Variants in CPVL observed in about 807,000 individuals in gnomAD.
The protein encoded by CPVL is probable serine carboxypeptidase CPVL.
Under a neutral mutation model 63.7 loss-of-function variants are expected in CPVL, and 51 were observed. The ratio of observed to expected loss-of-function variants is 0.80; its 90% confidence interval spans 0.64 to 1.01. The LOEUF is 1.01. Among genes scored for constraint, CPVL ranks in the 50% least tolerant of loss-of-function variants. The pLI, the probability that CPVL is intolerant of heterozygous loss-of-function variation, is 0.00. For synonymous variants in CPVL, 195 were observed against 206.0 expected (o/e 0.95, Z 0.46); for missense variants, 530 against 573.1 (o/e 0.92, Z 0.77).
intron 12 of CPVL, among the ~76,000 whole-genome samples, chr7:29,017,271 C>T (rs571207639): frequency 6.6e-6 from 1 of 152,310 alleles, no homozygotes; most frequent in South Asian, 2.1e-4. Context: ...ACAAGTTCCC[C>T]GATAAAGCCA....
intron 11 of CPVL, among the ~76,000 whole-genome samples, chr7:29,038,505 G>A (rs1788761076): frequency 1.3e-5 from 2 of 152,108 alleles, no homozygotes; most frequent in South Asian, 4.1e-4. Flanking sequence ...TGTTACAGCA[G>A]CCTGAACTAA....
intron 7 of CPVL, among the ~76,000 whole-genome samples, chr7:29,076,906 C>T: frequency 6.6e-6 from 1 of 152,016 alleles, no homozygotes; most frequent in East Asian, 1.9e-4. Flanking sequence ...TTTTTTTTTC[C>T]AGCCTAATGG....
At chr7:29,014,927 A>G (rs1414355214) in intron 12 of CPVL, among the ~76,000 whole-genome samples, 3 of 152,370 alleles carry the variant, frequency 2.0e-5, no homozygotes, top group South Asian at 4.1e-4. Flanking sequence ...ATGAATTGTC[A>G]GCAGTAATTC....
At position 29,165,125 on chromosome 7, in the gene CPVL, A is replaced by C. The variant is rs377310062; in HGVS notation, c.-11+16165T>G. On this transcript the variant is annotated intron_variant, in intron 5 of 16. Coordinates refer to the CPVL transcript ENST00000409850. ...GATTTTTTTATTGGCATTGCATTTA[A>C]TCTAAAGATCAATGTGGGGAGAATA... is the stretch of plus-strand genomic sequence containing the variant. 3.5e-4 allele frequency among the ~76,000 whole-genome samples: 54 copies of C among 152,292 alleles called. No individual in the cohort carries two copies. The South Asian group carries it at 4.4e-3, about 12-fold the overall frequency.
At chr7:29,155,272 C>T (rs1438749429) in intron 5 of CPVL, among the ~76,000 whole-genome samples, 2 of 152,054 alleles carry the variant, frequency 1.3e-5, no homozygotes, top group Admixed American at 1.3e-4. Flanking sequence ...AAAACAACTA[C>T]ATTTTAACAA....
In CPVL at chr7:29,121,595, C is replaced by T. The variant is rs12667840; in HGVS notation, c.-10-524G>A. Among the ~76,000 whole-genome samples, 315 of 152,258 alleles carry T rather than the reference C, an allele frequency of 2.1e-3. 10 individuals are homozygous for T. The East Asian group carries it at 0.057, about 28-fold the overall frequency. On this transcript the variant is annotated intron_variant, in intron 1 of 12. Transcript: ENST00000265394. ...CCACAGAAGGGCAGAGGATTGAAAG[C>T]ACATTTCAGGCCGAAAGATCACAGA...
intron 11 of CPVL, among the ~76,000 whole-genome samples, chr7:29,041,461 C>A (rs1789083302): frequency 6.6e-6 from 1 of 152,168 alleles, no homozygotes; most frequent in South Asian, 2.1e-4. Context: ...GAGGAATGTA[C>A]CCCTGCCTGT....
intron 5 of CPVL, among the ~76,000 whole-genome samples, chr7:29,158,812 T>C (rs1278402208): frequency 6.6e-6 from 1 of 152,226 alleles, no homozygotes; most frequent in Non-Finnish European, 1.5e-5. Flanking sequence ...TTTAAATATT[T>C]ACAGATGCTT....
At chr7:29,093,305 A>T (rs1004560804) in intron 5 of CPVL, among the ~76,000 whole-genome samples, 1 of 131,424 alleles carries the variant, frequency 7.6e-6, no homozygotes, top group Admixed American at 7.9e-5. Context: ...TGAGCCCAGG[A>T]GGCGGAGATT....
intron 1 of CPVL, among the ~76,000 whole-genome samples, chr7:29,143,176 T>C (rs1016592149): frequency 2.6e-5 from 4 of 152,252 alleles, no homozygotes; most frequent in Non-Finnish European, 5.9e-5. Flanking sequence ...AACTTCAACA[T>C]AACTTTTCAA....
intron 12 of CPVL, among the ~76,000 whole-genome samples, chr7:29,029,443 T>A (rs1424794226): frequency 1.3e-5 from 2 of 152,162 alleles, no homozygotes; most frequent in Non-Finnish European, 2.9e-5. Flanking sequence ...AAATGTGGCA[T>A]ATACACACAA....
chr7:29,146,526 C>A lies in CPVL; in HGVS notation c.-108G>T. 6.7e-7 allele frequency: 1 copy of A among 1,492,598 alleles called. No individual in the cohort carries two copies. Among genetic ancestry groups the A allele is most frequent in the African/African-American group, 1.4e-5 (1 of 70,868 alleles). 92.5% of individuals were successfully genotyped at this position (1,492,598 alleles called of 1,614,324 possible). On this transcript the variant is annotated 5_prime_UTR_variant, in exon 1 of 13. Transcript: ENST00000265394. ...CAAATCAGGCAGAAGTGAGGCAGCC[C>A]CACCCAGTCACGAGGACCCTGCAGA... is the stretch of plus-strand genomic sequence containing the variant.
At chr7:29,176,277 T>C (rs1377848663) in intron 5 of CPVL, among the ~76,000 whole-genome samples, 1 of 151,748 alleles carries the variant, frequency 6.6e-6, no homozygotes, top group Non-Finnish European at 1.5e-5. Flanking sequence ...AGAAGGCCAA[T>C]AGGTCCTGAG....
At chr7:28,995,930 C>T (rs1034734650) in intron 12 of CPVL, 48 bp from the exon 13 acceptor site, 1 of 1,054,696 alleles carries the variant, frequency 9.5e-7, no homozygotes, top group African/African-American at 1.6e-5. Flanking sequence ...AATGGATATT[C>T]TAAATACATG....
At chr7:29,147,993 G>A (rs77672720), upstream of CPVL, among the ~76,000 whole-genome samples, 334 of 152,226 alleles carry the variant, frequency 2.2e-3, 1 homozygote, top group African/African-American at 7.4e-3. Flanking sequence ...CTTCCCACAG[G>A]GCTCTAGTCC....
In CPVL at chr7:29,095,134, T is replaced by C. The variant is rs757637254; in HGVS notation, c.412A>G (p.Arg138Gly). The C allele has an allele frequency of 1.2e-6, 2 of 1,613,694 alleles. No individual in the cohort carries two copies. Among genetic ancestry groups the C allele is most frequent in the South Asian group, 1.1e-5 (1 of 91,068 alleles). ...AGCGTTGTGGTCCAGGGGAAGTCTC[T>C]GTCACGCACTGTGAAAACAAAGAAG... ...VVTSNMTLRD[R>G]DFPWTTTLSM... is the part of the protein sequence containing the mutation. The change falls in exon 5 of 13, where the codon AGA becomes GGA. Residue 138 changes from arginine to glycine, a missense_variant. By Grantham distance (125) the Arg-to-Gly change is moderately radical (BLOSUM62 -2). Transcript: ENST00000265394.
At chr7:29,125,918 C>T (rs367580554) in intron 1 of CPVL, among the ~76,000 whole-genome samples, 61 of 152,264 alleles carry the variant, frequency 4.0e-4, no homozygotes, top group African/African-American at 1.5e-3. Flanking sequence ...ATGACTCATC[C>T]GAGGACCTTG....
At chr7:29,096,394 G>A in intron 3 of CPVL, 177 bp from the exon 4 acceptor site, 1 of 602,758 alleles carries the variant, frequency 1.7e-6, no homozygotes. Flanking sequence ...ATCATCTTTG[G>A]TTCTTTGAAT....
chr7:29,146,477 G>C lies in CPVL; in HGVS notation c.-59C>G. The stretch of plus-strand genomic sequence containing the variant: ...TGAGCCGCGGCGCGCAAGGACCCCA[G>C]CCGGTTGTCCTTGCAGCGCTTCCCA... On this transcript the variant is annotated 5_prime_UTR_variant, in exon 1 of 13. Transcript: ENST00000265394. The C allele has an allele frequency of 7.0e-7, 1 of 1,434,810 alleles. No homozygotes were observed. The allele number at this position is 1,434,810 out of a possible 1,614,324, so 88.9% of individuals were successfully genotyped here.
Sources: gnomAD v4.1 joint callset for allele counts (sites outside exome capture counted in the v4.1 genomes callset) on GRCh38, gnomAD v4.1.1 for gene constraint, MANE v1.5 for transcripts, NCBI Gene and HGNC (gene_info 2026-07-23, HGNC 2026-07-21) for gene names.